SPECC1: variants seen among roughly 807,000 people sequenced by gnomAD.
The protein encoded by SPECC1 is sperm antigen with calponin homology and coiled-coil domains 1.
SPECC1 carries 62 observed loss-of-function variants against 104.1 expected under a neutral mutation model. That is an observed-to-expected ratio of 0.60 (90% CI 0.49 to 0.74). The LOEUF is 0.74. SPECC1 is among the 30% of genes least tolerant of loss of function. The probability of loss-of-function intolerance (pLI) is 0.00; values close to 1 mark genes in which losing one functional copy is unlikely to be tolerated. For missense variants in SPECC1, 1,306 were observed against 1,310.5 expected (o/e 1.00, Z 0.05); for synonymous variants, 513 against 501.6 (o/e 1.02, Z -0.30).
At chr17:20,296,060 A>C (rs1227172583) in intron 12 of SPECC1, among the ~76,000 whole-genome samples, 1 of 152,092 alleles carries the variant, frequency 6.6e-6, no homozygotes, top group Non-Finnish European at 1.5e-5. Flanking sequence ...TTTTGTTGCC[A>C]TTGCTTTTGG....
intron 5 of SPECC1, among the ~76,000 whole-genome samples, chr17:20,231,200 C>G (rs2038551791): frequency 6.6e-6 from 1 of 152,080 alleles, no homozygotes; most frequent in Non-Finnish European, 1.5e-5. Flanking sequence ...TTCTGTCTGC[C>G]CTTGGAGATT....
At chr17:20,078,099 C>T (rs2046831428) in intron 1 of SPECC1, among the ~76,000 whole-genome samples, 1 of 151,118 alleles carries the variant, frequency 6.6e-6, no homozygotes, top group Non-Finnish European at 1.5e-5. Context: ...CATAAAAAGA[C>T]ATATGTATTT....
At chr17:20,268,030 G>T (rs1567594616) in intron 12 of SPECC1, among the ~76,000 whole-genome samples, 1 of 152,166 alleles carries the variant, frequency 6.6e-6, no homozygotes, top group African/African-American at 2.4e-5. Flanking sequence ...GTGGCATGAA[G>T]ATACTTGCAA....
chr17:20,124,947 G>A (rs1210545586), intron 3 of SPECC1, among the ~76,000 whole-genome samples: 5 of 152,162 alleles, frequency 3.3e-5, no homozygotes, highest in East Asian at 1.9e-4. Context: ...TTGGGAGGCC[G>A]AGGTGGGCGG....
intron 1 of SPECC1, among the ~76,000 whole-genome samples, chr17:20,096,331 A>G (rs1436401560): frequency 1.3e-5 from 2 of 152,190 alleles, no homozygotes; most frequent in African/African-American, 4.8e-5. Context: ...ATACAGATAC[A>G]TAGTGTATGG....
chr17:20,231,691 A>G (rs749647918), intron 5 of SPECC1, 67 bp from the exon 6 acceptor site: 367 of 1,451,392 alleles, frequency 2.5e-4, no homozygotes, highest in Non-Finnish European at 3.1e-4. Context: ...TTTCTTTGCT[A>G]CCTAGCGTGT....
At chr17:20,084,157 C>T (rs1396457795) in intron 1 of SPECC1, among the ~76,000 whole-genome samples, 1 of 152,172 alleles carries the variant, frequency 6.6e-6, no homozygotes, top group Non-Finnish European at 1.5e-5. Flanking sequence ...AGGCTGGGCA[C>T]TGTGACTCAC....
At chr17:20,080,738 TGCGA>T (rs907393295) in intron 1 of SPECC1, among the ~76,000 whole-genome samples, 13 of 152,110 alleles carry the variant, frequency 8.5e-5, no homozygotes, top group Non-Finnish European at 1.9e-4. Context: ...CTGTGCTGCC[TGCGA>T]GCCCTTACTG....
chr17:20,290,528 T>G (rs1047536937), intron 12 of SPECC1, among the ~76,000 whole-genome samples: 1 of 152,036 alleles, frequency 6.6e-6, no homozygotes, highest in Non-Finnish European at 1.5e-5. Context: ...TATATTTATT[T>G]TTTTGAGACA....
intron 2 of SPECC1, among the ~76,000 whole-genome samples, chr17:20,107,601 C>T (rs992036621): frequency 5.3e-5 from 8 of 152,050 alleles, no homozygotes; most frequent in Non-Finnish European, 1.0e-4. Context: ...GGATTACAGG[C>T]ATGTGTCACC....
At chr17:20,021,724 G>T (rs1298818320) in intron 1 of SPECC1, among the ~76,000 whole-genome samples, 4 of 144,540 alleles carry the variant, frequency 2.8e-5, no homozygotes, top group Non-Finnish European at 4.5e-5. Context: ...TTTTAGTAGA[G>T]ACCGGGTTTC....
chr17:20,087,899 C>G (rs2047238512), intron 1 of SPECC1, among the ~76,000 whole-genome samples: 1 of 152,094 alleles, frequency 6.6e-6, no homozygotes, highest in Non-Finnish European at 1.5e-5. Context: ...AAGAAAGACG[C>G]CTCCTAGAGG....
At chr17:20,190,811 TG>T (rs2035619359) in intron 3 of SPECC1, among the ~76,000 whole-genome samples, 1 of 152,080 alleles carries the variant, frequency 6.6e-6, no homozygotes, top group African/African-American at 2.4e-5. Context: ...CTCCCTCCCT[TG>T]GGGGTGGGGG....
chr17:20,239,056 A>G (rs1246116610), intron 7 of SPECC1: 1 of 1,032,838 alleles, frequency 9.7e-7, no homozygotes, highest in Non-Finnish European at 1.2e-6. Context: ...TAGGAGGTTG[A>G]CATGGAATAT....
intron 12 of SPECC1, among the ~76,000 whole-genome samples, chr17:20,285,790 C>A (rs191774318): frequency 1.3e-5 from 2 of 151,000 alleles, no homozygotes; most frequent in East Asian, 3.9e-4. Flanking sequence ...TCTCCCCTTC[C>A]CTCCCTCCCT....
At chr17:20,025,062 C>G (rs1280203256) in intron 1 of SPECC1, among the ~76,000 whole-genome samples, 1 of 152,222 alleles carries the variant, frequency 6.6e-6, no homozygotes, top group African/African-American at 2.4e-5. Flanking sequence ...GTTCCCTCTT[C>G]CCTTCTTTTG....
chr17:20,064,989 C>G (rs905558060), intron 1 of SPECC1, among the ~76,000 whole-genome samples: 4 of 152,142 alleles, frequency 2.6e-5, no homozygotes, highest in African/African-American at 7.2e-5. Flanking sequence ...CAGTTATAGT[C>G]AGACTTTATA....
At chr17:20,121,030 C>T (rs2049001701) in intron 3 of SPECC1, among the ~76,000 whole-genome samples, 1 of 152,180 alleles carries the variant, frequency 6.6e-6, no homozygotes, top group Non-Finnish European at 1.5e-5. Context: ...AGGCCTTATG[C>T]TGTTCTCTGG....
rs747721949 is a variant in SPECC1 at position 20,127,909 on chromosome 17, G to A, written c.283+17347G>A. Among the ~76,000 whole-genome samples the A allele has an allele frequency of 4.5e-4, 69 of 151,984 alleles. 1 individual carries two copies. Among genetic ancestry groups the A allele is most frequent in the Non-Finnish European group, 8.2e-4 (56 of 67,994 alleles). On this transcript the variant is annotated intron_variant, in intron 3 of 14. Coordinates refer to ENST00000395527, the MANE Select transcript of SPECC1 (RefSeq NM_001243439.2). Reference sequence around the variant, plus strand: ...TAGCAGGCCTTCTGAAGCTGCTCATGGCAGAGGCCTCAACTTAGTAGTCCA... The same window carrying A: ...TAGCAGGCCTTCTGAAGCTGCTCATAGCAGAGGCCTCAACTTAGTAGTCCA...
Sources: allele counts gnomAD v4.1 joint callset (sites outside exome capture counted in the v4.1 genomes callset), GRCh38; gene constraint gnomAD v4.1.1; transcripts MANE v1.5; gene names NCBI Gene and HGNC (gene_info 2026-07-23, HGNC 2026-07-21).